The following CLSTN2 variants were observed in gnomAD, a reference collection of about 807,000 sequenced individuals.
The protein encoded by CLSTN2 is calsyntenin-2.
CLSTN2 carries 48 observed loss-of-function variants against 101.2 expected under a neutral mutation model. The ratio of observed to expected loss-of-function variants is 0.47; its 90% confidence interval spans 0.38 to 0.60. The LOEUF is 0.60. Among genes scored for constraint, CLSTN2 ranks in the 20% least tolerant of loss-of-function variants. CLSTN2 has a pLI of 0.00. For synonymous variants in CLSTN2, 481 were observed against 463.6 expected (o/e 1.04, Z -0.48); for missense variants, 1,160 against 1,238.2 (o/e 0.94, Z 0.95).
intron 2 of CLSTN2, among the ~76,000 whole-genome samples, chr3:140,213,330 G>A (rs943317254): frequency 2.0e-5 from 3 of 152,144 alleles, no homozygotes; most frequent in Non-Finnish European, 2.9e-5. Context: ...ATATGATATG[G>A]AAATATCCAG....
At chr3:139,975,476 G>A (rs1388247596) in intron 1 of CLSTN2, among the ~76,000 whole-genome samples, 4 of 152,268 alleles carry the variant, frequency 2.6e-5, no homozygotes, top group South Asian at 4.2e-4. Context: ...GATATTAATT[G>A]CAAATGTGAC....
chr3:140,187,816 A>G (rs1312427443), intron 2 of CLSTN2, among the ~76,000 whole-genome samples: 1 of 152,186 alleles, frequency 6.6e-6, no homozygotes, highest in African/African-American at 2.4e-5. Context: ...TTGATTTACA[A>G]GAGGGCACTG....
chr3:140,311,195 C>G (rs1235972353), intron 2 of CLSTN2, among the ~76,000 whole-genome samples: 1 of 142,062 alleles, frequency 7.0e-6, no homozygotes, highest in Non-Finnish European at 1.5e-5. Flanking sequence ...GGATTGGGAA[C>G]AGTGAAAATA....
chr3:140,519,398 T>G (rs6780556), intron 8 of CLSTN2, among the ~76,000 whole-genome samples: 6,308 of 152,272 alleles, frequency 0.041, 441 homozygotes, highest in African/African-American at 0.14. Flanking sequence ...GTCTCTGTGA[T>G]CTAATATTGG....
At chr3:140,044,484 A>G (rs1304429628) in intron 1 of CLSTN2, among the ~76,000 whole-genome samples, 1 of 152,196 alleles carries the variant, frequency 6.6e-6, no homozygotes, top group African/African-American at 2.4e-5. Context: ...AACAGGGACA[A>G]TTTGACTTCC....
chr3:140,451,937 CAAGAGAT>C, intron 6 of CLSTN2, among the ~76,000 whole-genome samples: 1 of 152,212 alleles, frequency 6.6e-6, no homozygotes, highest in Middle Eastern at 3.4e-3. Flanking sequence ...ATGGTCTAAG[CAAGAGAT>C]AATGAGTTCT....
At chr3:140,000,674 A>G (rs569171882) in intron 1 of CLSTN2, among the ~76,000 whole-genome samples, 6 of 152,206 alleles carry the variant, frequency 3.9e-5, no homozygotes, top group Non-Finnish European at 8.8e-5. Context: ...AGCCTCCCTA[A>G]GAGCTGAGCT....
intron 1 of CLSTN2, among the ~76,000 whole-genome samples, chr3:140,111,299 C>T (rs1359937496): frequency 6.6e-6 from 1 of 152,166 alleles, no homozygotes; most frequent in African/African-American, 2.4e-5. Context: ...CATTGTTCAT[C>T]TCCTCTGGTC....
At chr3:139,995,897 T>A (rs911708351) in intron 1 of CLSTN2, among the ~76,000 whole-genome samples, 1 of 152,236 alleles carries the variant, frequency 6.6e-6, no homozygotes, top group African/African-American at 2.4e-5. Context: ...TCGGGTATAT[T>A]GAATTGGATT....
At chr3:140,333,293 A>G (rs1414726241) in intron 2 of CLSTN2, among the ~76,000 whole-genome samples, 1 of 152,184 alleles carries the variant, frequency 6.6e-6, no homozygotes, top group African/African-American at 2.4e-5. Context: ...CTGATTATGC[A>G]CTTCTTTTGC....
chr3:140,445,397 C>T (rs1933055150), intron 5 of CLSTN2, among the ~76,000 whole-genome samples: 1 of 152,150 alleles, frequency 6.6e-6, no homozygotes, highest in Admixed American at 6.5e-5. Flanking sequence ...AGGAGGGTGT[C>T]TTGGGTTTCT....
At chr3:139,976,419 G>A (rs922215437) in intron 1 of CLSTN2, among the ~76,000 whole-genome samples, 2 of 152,236 alleles carry the variant, frequency 1.3e-5, no homozygotes, top group South Asian at 2.1e-4. Context: ...CTCTGCATAT[G>A]GGATTTCAGA....
intron 1 of CLSTN2, among the ~76,000 whole-genome samples, chr3:139,960,571 A>G (rs1208995715): frequency 6.6e-6 from 1 of 152,172 alleles, no homozygotes. Flanking sequence ...ACTAGTACCC[A>G]CTTACTATCT....
intron 2 of CLSTN2, among the ~76,000 whole-genome samples, chr3:140,236,040 C>T (rs754643967): frequency 2.0e-5 from 3 of 152,014 alleles, no homozygotes; most frequent in Non-Finnish European, 2.9e-5. Flanking sequence ...CAAGTGTTAG[C>T]CCCATTCTGA....
chr3:140,079,440 G>T (rs1231975176), intron 1 of CLSTN2, among the ~76,000 whole-genome samples: 1 of 152,148 alleles, frequency 6.6e-6, no homozygotes, highest in Admixed American at 6.6e-5. Context: ...CATGTACTAT[G>T]GACACTGTAG....
At chr3:140,191,894 CT>C (rs2010570781) in intron 2 of CLSTN2, among the ~76,000 whole-genome samples, 2 of 151,798 alleles carry the variant, frequency 1.3e-5, no homozygotes, top group Admixed American at 6.6e-5. Context: ...CTTGTATGGG[CT>C]TATTTTGCCC....
chr3:140,168,036 G>A (rs111931945), intron 1 of CLSTN2, among the ~76,000 whole-genome samples: 8 of 152,220 alleles, frequency 5.3e-5, no homozygotes, highest in East Asian at 3.9e-4. Context: ...CAAGTCTTTC[G>A]TGTAATTTAT....
intron 2 of CLSTN2, among the ~76,000 whole-genome samples, chr3:140,249,839 A>AAGGG (rs1277320122): frequency 5.3e-5 from 8 of 152,288 alleles, no homozygotes; most frequent in Non-Finnish European, 1.2e-4. Context: ...GATGTCAAGA[A>AAGGG]AGGGTTTAGA....
intron 2 of CLSTN2, among the ~76,000 whole-genome samples, chr3:140,291,181 A>G (rs2086948004): frequency 6.6e-6 from 1 of 152,166 alleles, no homozygotes; most frequent in South Asian, 2.1e-4. Flanking sequence ...GAATTCATGT[A>G]AAACATATAG....
Sources: allele counts gnomAD v4.1 joint callset (sites outside exome capture counted in the v4.1 genomes callset), GRCh38; gene constraint gnomAD v4.1.1; transcripts MANE v1.5; gene names NCBI Gene and HGNC (gene_info 2026-07-23, HGNC 2026-07-21).